Variants in ZNF106 observed in about 807,000 individuals in gnomAD.
The protein encoded by ZNF106 is zinc finger protein 106, also known as SH3-domain binding protein 3.
A neutral mutation model predicts 195.1 loss-of-function variants in ZNF106; 67 were observed. The ratio of observed to expected loss-of-function variants is 0.34; its 90% confidence interval spans 0.28 to 0.42. ZNF106 has a LOEUF of 0.42. ZNF106 is among the 10% of genes least tolerant of loss of function. The probability of loss-of-function intolerance (pLI) is 1.00; values close to 1 mark genes in which losing one functional copy is unlikely to be tolerated. For synonymous variants in ZNF106, 784 were observed against 818.6 expected, an observed-to-expected ratio of 0.96 and a Z score of 0.72; for missense variants, 2,118 against 2,304.5, an observed-to-expected ratio of 0.92 and a Z score of 1.66.
chr15:42,464,911 C>T (rs1293992308), intron 3 of ZNF106, among the ~76,000 whole-genome samples: 1 of 152,178 alleles, frequency 6.6e-6, no homozygotes, highest in Non-Finnish European at 1.5e-5. Flanking sequence ...AATTCCCCTG[C>T]ACAAGCTCTC....
chr15:42,425,104 A>C (rs903407902), intron 15 of ZNF106, 79 bp from the exon 16 acceptor site: 1 of 1,404,102 alleles, frequency 7.1e-7, no homozygotes, highest in African/African-American at 1.4e-5. Context: ...CCTTGGTACA[A>C]ACTCATTTCT....
At chr15:42,425,671 T>G (rs925775793) in intron 15 of ZNF106, 5 of 152,324 alleles carry the variant, frequency 3.3e-5, no homozygotes, top group African/African-American at 1.2e-4. Flanking sequence ...CTGGCTAATT[T>G]TTGTATTTTT....
chr15:42,443,840 C>T (rs1350381864), intron 9 of ZNF106, among the ~76,000 whole-genome samples: 1 of 152,116 alleles, frequency 6.6e-6, no homozygotes, highest in African/African-American at 2.4e-5. Context: ...GGTGCAGTGG[C>T]TCATGCCTGT....
In ZNF106 at chr15:42,450,175, A is replaced by C; in HGVS notation, c.2097T>G (p.Asp699Glu). The C allele has an allele frequency of 6.2e-7, 1 of 1,614,210 alleles. No individual in the cohort carries two copies. Among genetic ancestry groups the C allele is most frequent in the South Asian group, 1.1e-5 (1 of 91,082 alleles). ...ATTTAATAGAGTCATCAACCTGTGCATCTTCTAGAGAGGTTTTCAAGTCTA... is the reference window on the plus strand; with the variant it reads ...ATTTAATAGAGTCATCAACCTGTGCCTCTTCTAGAGAGGTTTTCAAGTCTA... ...LLLDLKTSLE[D>E]AQVDDSIKSH... Residue 699 changes from aspartate to glutamate, a missense_variant, in exon 5 of 22, where the codon GAT becomes GAG. Coordinates refer to ENST00000564754, the MANE Select transcript of ZNF106 (RefSeq NM_001366845.3).
intron 5 of ZNF106, among the ~76,000 whole-genome samples, chr15:42,449,382 C>T (rs1267533175): frequency 6.6e-6 from 1 of 152,124 alleles, no homozygotes; most frequent in Non-Finnish European, 1.5e-5. Flanking sequence ...GTAATGAGAA[C>T]AGTTGTATTT....
chr15:42,417,966 A>T lies in ZNF106; in HGVS notation c.5518-15T>A, dbSNP rs200828073. On this transcript the variant is annotated splice_polypyrimidine_tract_variant and intron_variant, in intron 20 of 21. Transcript: ENST00000564754. Reference sequence around the variant, plus strand: ...CAACCATGCCACTGGAGAGAAAGAAAATGAGGAGACTCGGTGAAAAAGGGT... The same window carrying T: ...CAACCATGCCACTGGAGAGAAAGAATATGAGGAGACTCGGTGAAAAAGGGT... 445 of 1,608,768 alleles carry T rather than the reference A, an allele frequency of 2.8e-4. No individual in the cohort carries two copies. Among genetic ancestry groups the T allele is most frequent in the Non-Finnish European group, 3.4e-4 (403 of 1,177,622 alleles).
At chr15:42,471,904 C>A (rs905736812) in intron 2 of ZNF106, among the ~76,000 whole-genome samples, 1 of 152,164 alleles carries the variant, frequency 6.6e-6, no homozygotes, top group Non-Finnish European at 1.5e-5. Context: ...TTTAAAATTA[C>A]AGAAAGCAGT....
At chr15:42,438,054 T>G (rs76604603) in intron 12 of ZNF106, among the ~76,000 whole-genome samples, 3,854 of 151,964 alleles carry the variant, frequency 0.025, 130 homozygotes, top group African/African-American at 0.073. Flanking sequence ...AATGAAACCT[T>G]AATACTAATT....
Position 42,451,332 on chromosome 15 carries a change from C to T in ZNF106, c.940G>A (p.Val314Ile), listed in dbSNP as rs761234266. The T allele has an allele frequency of 1.2e-5, 19 of 1,613,804 alleles. No homozygotes were observed. In the Admixed American group the frequency reaches 3.2e-4, roughly 27 times the overall value. ...TCAGAAGGACCTCTATATGTGGCAA[C>T]TGTACCAAGTTTGTCATTTTCTTGC... ...QRQENDKLGT[V>I]ATYRGPSEGF... Residue 314 changes from valine to isoleucine, a missense_variant, in exon 5 of 22, where the codon GTT becomes ATT. Coordinates refer to ENST00000564754, the MANE Select transcript of ZNF106 (RefSeq NM_001366845.3).
chr15:42,475,377 G>A (rs1477884375), intron 1 of ZNF106, among the ~76,000 whole-genome samples: 1 of 152,198 alleles, frequency 6.6e-6, no homozygotes, highest in Non-Finnish European at 1.5e-5. Flanking sequence ...AGGAGGCAGA[G>A]GTTGCAGTGA....
chr15:42,435,084 T>A (rs2141300836), intron 14 of ZNF106, among the ~76,000 whole-genome samples: 1 of 152,222 alleles, frequency 6.6e-6, no homozygotes, highest in East Asian at 1.9e-4. Flanking sequence ...TACATTTTTC[T>A]CTTTATTCTA....
intron 2 of ZNF106, among the ~76,000 whole-genome samples, chr15:42,467,394 A>G (rs1277381839): frequency 6.6e-6 from 1 of 152,244 alleles, no homozygotes; most frequent in Non-Finnish European, 1.5e-5. Flanking sequence ...GATTAACTTC[A>G]TGCTGAAGAA....
chr15:42,468,827 A>AT (rs1363427285), intron 2 of ZNF106, among the ~76,000 whole-genome samples: 28 of 152,296 alleles, frequency 1.8e-4, no homozygotes, highest in African/African-American at 6.5e-4. Context: ...GCTAACTAAA[A>AT]TTAACACTTG....
Position 42,442,282 on chromosome 15 carries a change from G to C in ZNF106, c.3554C>G (p.Pro1185Arg). The C allele has an allele frequency of 6.2e-7, 1 of 1,614,178 alleles. No homozygotes were observed. The highest frequency in any genetic ancestry group is 8.5e-7 in the Non-Finnish European group (1 of 1,180,034). The change falls in exon 10 of 22, where the codon CCT becomes CGT. Residue 1185 changes from proline to arginine, a missense_variant. Physicochemically the swap from Pro to Arg is moderately radical, Grantham distance 103 (BLOSUM62 -2). Coordinates refer to ENST00000564754, the MANE Select transcript of ZNF106 (RefSeq NM_001366845.3). ...PTPFFPLFLE[P>R]PSSHVSPSPT... ...TGATGGAGACACATGGGAAGATGGA[G>C]GCTCCAGAAAAAGTGGGAAAAAGGG... is the stretch of plus-strand genomic sequence containing the variant.
intron 4 of ZNF106, among the ~76,000 whole-genome samples, chr15:42,452,389 G>A (rs1317309216): frequency 6.6e-6 from 1 of 151,986 alleles, no homozygotes; most frequent in African/African-American, 2.4e-5. Context: ...CAGGCGTAGT[G>A]GAGCACGCCT....
At position 42,450,914 on chromosome 15, in the gene ZNF106, C is replaced by A; in HGVS notation, c.1358G>T (p.Arg453Ile). 2 of 1,614,116 alleles carry A rather than the reference C, an allele frequency of 1.2e-6. No individual in the cohort carries two copies. The highest frequency in any genetic ancestry group is 8.5e-7 in the Non-Finnish European group (1 of 1,180,022). ...SDSAASFEVVRQCPTAEKPEQ... is the reference protein window; with the variant it reads ...SDSAASFEVVIQCPTAEKPEQ... ...AGGTTTTTCTGCAGTGGGGCACTGT[C>A]TCACCACCTCGAAGGAAGCAGCGGA... The change falls in exon 5 of 22, where the codon AGA becomes ATA. Residue 453 changes from arginine (R) to isoleucine (I), a missense_variant. By Grantham distance (97) the Arg-to-Ile change is moderately conservative (BLOSUM62 -3). Transcript: ENST00000564754.
At chr15:42,489,599 T>C (rs1235296308) in intron 1 of ZNF106, among the ~76,000 whole-genome samples, 2 of 152,244 alleles carry the variant, frequency 1.3e-5, no homozygotes, top group African/African-American at 4.8e-5. Flanking sequence ...AAATGTGTAG[T>C]AGATACTAAA....
In ZNF106 at chr15:42,472,246, C is replaced by T; in HGVS notation, c.44G>A (p.Ser15Asn). ...RKCILCHIVY[S>N]SKKEMDEHMR... The stretch of plus-strand genomic sequence containing the variant: ...CTCTTCCATTATTACCTTTTTTGAG[C>T]TGTACACGATGTGGCATAATATGCA... The change falls in exon 2 of 22, where the codon AGC becomes AAC. Residue 15 changes from serine (S) to asparagine (N), a missense_variant. Ser to Asn is a conservative substitution (Grantham distance 46). Transcript: ENST00000564754. 6.5e-7 allele frequency: 1 copy of T among 1,535,102 alleles called. No individual in the cohort carries two copies. Among genetic ancestry groups the T allele is most frequent in the South Asian group, 1.2e-5 (1 of 83,818 alleles).
At chr15:42,448,005 C>CT in intron 6 of ZNF106, 67 bp downstream of exon 6, 1 of 1,508,980 alleles carries the variant, frequency 6.6e-7, no homozygotes, top group Non-Finnish European at 8.9e-7. Flanking sequence ...ACAGTTGAAC[C>CT]TTTTTTCATA....
Sources: gnomAD v4.1 joint callset for allele counts (sites outside exome capture counted in the v4.1 genomes callset) on GRCh38, gnomAD v4.1.1 for gene constraint, MANE v1.5 for transcripts, NCBI Gene and HGNC (gene_info 2026-07-23, HGNC 2026-07-21) for gene names.